SKIC3: variants seen among roughly 807,000 people sequenced by gnomAD.
SKIC3 encodes the protein SKI3 subunit of superkiller complex.
the SKIC3 span, among the ~76,000 whole-genome samples, chr5:95,494,477 T>TA: frequency 6.6e-6 from 1 of 152,166 alleles, no homozygotes; most frequent in African/African-American, 2.4e-5. Context: ...CTGATAGCAT[T>TA]ATATATTGTA....
chr5:95,533,931 A>C, the SKIC3 span, among the ~76,000 whole-genome samples: 1 of 152,322 alleles, frequency 6.6e-6, no homozygotes, highest in Middle Eastern at 3.4e-3. Flanking sequence ...GTCAGTCCTC[A>C]AAAAGAATTT....
At chr5:95,478,655 G>T in the SKIC3 span, among the ~76,000 whole-genome samples, 1 of 152,072 alleles carries the variant, frequency 6.6e-6, no homozygotes, top group African/African-American at 2.4e-5. Flanking sequence ...ATTGACCCCG[G>T]CAATATATAA....
the SKIC3 span, among the ~76,000 whole-genome samples, chr5:95,544,249 G>T: frequency 6.6e-6 from 1 of 152,138 alleles, no homozygotes; most frequent in African/African-American, 2.4e-5. Flanking sequence ...CCTGCTCCAA[G>T]ATTTAAATTT....
At chr5:95,485,349 C>T in the SKIC3 span, among the ~76,000 whole-genome samples, 1 of 152,180 alleles carries the variant, frequency 6.6e-6, no homozygotes, top group Non-Finnish European at 1.5e-5. Context: ...TCACATAGGC[C>T]AATTTGCATT....
At chr5:95,513,013 A>G in the SKIC3 span, 1 of 223,778 alleles carries the variant, frequency 4.5e-6, no homozygotes, top group Non-Finnish European at 8.9e-6. Context: ...CTAGAGTCTC[A>G]GTTTCTATTC....
chr5:95,491,164 C>T, the SKIC3 span: 18 of 1,348,570 alleles, frequency 1.3e-5, no homozygotes, highest in East Asian at 7.6e-5. Flanking sequence ...TTCACTTTCT[C>T]AAAGGAAAAT....
chr5:95,472,975 G>GTGTATATGTATA, the SKIC3 span, among the ~76,000 whole-genome samples: 1 of 152,190 alleles, frequency 6.6e-6, no homozygotes, highest in Non-Finnish European at 1.5e-5. Flanking sequence ...TATTTCCATG[G>GTGTATATGTATA]TGTATATGTA....
chr5:95,465,836 T>C, the SKIC3 span, among the ~76,000 whole-genome samples: 1 of 152,164 alleles, frequency 6.6e-6, no homozygotes, highest in Non-Finnish European at 1.5e-5. Context: ...ATCTCTGTCT[T>C]CCAAGGATGT....
the SKIC3 span, chr5:95,502,833 T>C: frequency 3.1e-6 from 5 of 1,607,058 alleles, no homozygotes; most frequent in Non-Finnish European, 4.2e-6. Context: ...TCAACCCAAA[T>C]ATCTAAGTAT....
At chr5:95,480,840 T>A in the SKIC3 span, among the ~76,000 whole-genome samples, 2 of 152,080 alleles carry the variant, frequency 1.3e-5, no homozygotes, top group African/African-American at 4.8e-5. Context: ...CTCACAGACA[T>A]CCTGTTGAGT....
the SKIC3 span, among the ~76,000 whole-genome samples, chr5:95,478,644 A>C: frequency 1.3e-5 from 2 of 152,194 alleles, no homozygotes; most frequent in African/African-American, 4.8e-5. Flanking sequence ...CCTATTAGCA[A>C]ATTGACCCCG....
the SKIC3 span, among the ~76,000 whole-genome samples, chr5:95,499,056 A>T: frequency 6.6e-6 from 1 of 152,260 alleles, no homozygotes; most frequent in Non-Finnish European, 1.5e-5. Flanking sequence ...TGGTTAAGAG[A>T]TAGCAATTTC....
the SKIC3 span, among the ~76,000 whole-genome samples, chr5:95,544,128 C>T: frequency 6.6e-6 from 1 of 152,180 alleles, no homozygotes; most frequent in East Asian, 1.9e-4. Context: ...ATATGCAGTA[C>T]AAGCTCCATT....
At chr5:95,507,131 C>T in the SKIC3 span, 1 of 844,152 alleles carries the variant, frequency 1.2e-6, no homozygotes, top group East Asian at 2.6e-5. Context: ...GTGCTAGTTA[C>T]AATAGCTTAT....
At chr5:95,544,521 T>G in the SKIC3 span, among the ~76,000 whole-genome samples, 1 of 152,190 alleles carries the variant, frequency 6.6e-6, no homozygotes, top group Non-Finnish European at 1.5e-5. Context: ...TGCCCCAAAT[T>G]GCAATTCTTG....
At chr5:95,547,776 A>T in the SKIC3 span, among the ~76,000 whole-genome samples, 1 of 152,170 alleles carries the variant, frequency 6.6e-6, no homozygotes, top group Non-Finnish European at 1.5e-5. Context: ...CAAGTCACAG[A>T]TAAAACACTA....
the SKIC3 span, among the ~76,000 whole-genome samples, chr5:95,475,616 T>C: frequency 6.6e-6 from 1 of 152,338 alleles, no homozygotes; most frequent in East Asian, 1.9e-4. Flanking sequence ...CAGGTATTTC[T>C]TTATAGCAAT....
chr5:95,484,930 G>T, the SKIC3 span: 1 of 1,444,372 alleles, frequency 6.9e-7, no homozygotes, highest in Non-Finnish European at 9.7e-7. Context: ...AAAAATTACC[G>T]TTGGGCTTAT....
chr5:95,473,481 G>A, the SKIC3 span, among the ~76,000 whole-genome samples: 575 of 152,224 alleles, frequency 3.8e-3, 4 homozygotes, highest in South Asian at 7.3e-3. Context: ...TTGCCAAGTT[G>A]TCCAGGCTGG....
Sources: allele counts gnomAD v4.1 joint callset (sites outside exome capture counted in the v4.1 genomes callset), GRCh38; gene constraint gnomAD v4.1.1; transcripts MANE v1.5; gene names NCBI Gene and HGNC (gene_info 2026-07-23, HGNC 2026-07-21).